The following CENPW variants were observed in gnomAD, a reference collection of about 807,000 sequenced individuals.
CENPW encodes the protein cancer-up-regulated gene 2 protein.
A neutral mutation model predicts 11.1 loss-of-function variants in CENPW; 3 were observed. The ratio of observed to expected loss-of-function variants is 0.27; its 90% CI spans 0.12 to 0.70. The LOEUF is 0.70. Ranked by LOEUF, CENPW falls within the 30% of genes least tolerant of loss-of-function variation. The pLI, the probability that CENPW is intolerant of heterozygous loss-of-function variation, is 0.77. For synonymous variants in CENPW, 38 were observed against 42.0 expected (o/e 0.91, Z 0.37); for missense variants, 100 against 105.6 (o/e 0.95, Z 0.23).
the CENPW span, among the ~76,000 whole-genome samples, chr6:126,474,536 A>G: frequency 6.6e-6 from 1 of 152,156 alleles, no homozygotes; most frequent in African/African-American, 2.4e-5. Flanking sequence ...CAAAAGAGTT[A>G]TTAGGGCCAG....
the CENPW span, among the ~76,000 whole-genome samples, chr6:126,461,260 C>T: frequency 6.6e-6 from 1 of 151,778 alleles, no homozygotes; most frequent in Admixed American, 6.6e-5. Flanking sequence ...GGGAGTTTCC[C>T]TACACACGCT....
At chr6:126,446,364 C>T in the CENPW span, among the ~76,000 whole-genome samples, 2 of 148,658 alleles carry the variant, frequency 1.3e-5, no homozygotes, top group East Asian at 2.0e-4. Flanking sequence ...CTGGCCCCCC[C>T]ACAAGAAAAA....
the CENPW span, among the ~76,000 whole-genome samples, chr6:126,430,274 A>G: frequency 1.3e-5 from 2 of 152,214 alleles, no homozygotes; most frequent in South Asian, 4.1e-4. Flanking sequence ...GATGAAGGGA[A>G]ATATAAGTAA....
chr6:126,415,280 TTG>T, the CENPW span, among the ~76,000 whole-genome samples: 2 of 152,148 alleles, frequency 1.3e-5, no homozygotes, highest in Non-Finnish European at 2.9e-5. Flanking sequence ...TTATTATTTA[TTG>T]TTTTTATTCA....
chr6:126,460,364 T>C, the CENPW span, among the ~76,000 whole-genome samples: 2 of 151,792 alleles, frequency 1.3e-5, no homozygotes, highest in African/African-American at 4.8e-5. Context: ...AATTGATGGT[T>C]CTGAGAACTT....
In CENPW at chr6:126,348,497, CAAA is replaced by C; in HGVS notation, c.*6_*8del. ...CTAAAGAAGAGCAGAGGTTAGAAGT[CAAA>C]GAACATATTCTTGAAAGTTATGATG... On this transcript the variant is annotated 3_prime_UTR_variant, in exon 3 of 3. Transcript: ENST00000368328. 2.1e-6 allele frequency: 3 copies of C among 1,445,496 alleles called. No homozygotes were observed. The highest frequency in any genetic ancestry group is 1.8e-4 in the Middle Eastern group (1 of 5,692). The allele number at this position is 1,445,496 out of a possible 1,614,324, so 89.5% of individuals were successfully genotyped here.
chr6:126,425,175 G>C, the CENPW span, among the ~76,000 whole-genome samples: 1 of 152,056 alleles, frequency 6.6e-6, no homozygotes, highest in Non-Finnish European at 1.5e-5. Flanking sequence ...GGATAAAAAA[G>C]AAATGTTTGG....
the CENPW span, among the ~76,000 whole-genome samples, chr6:126,398,231 A>C: frequency 6.6e-6 from 1 of 152,204 alleles, no homozygotes; most frequent in Non-Finnish European, 1.5e-5. Flanking sequence ...TTGTATAATT[A>C]AATTGTCTAT....
chr6:126,464,594 G>A, the CENPW span, among the ~76,000 whole-genome samples: 17 of 152,066 alleles, frequency 1.1e-4, no homozygotes, highest in Non-Finnish European at 2.4e-4. Flanking sequence ...TCCTGCCCTC[G>A]AACATCAGAC....
At chr6:126,391,594 T>C in the CENPW span, among the ~76,000 whole-genome samples, 1 of 151,954 alleles carries the variant, frequency 6.6e-6, no homozygotes, top group East Asian at 1.9e-4. Flanking sequence ...AGTACTTTCA[T>C]AGTTTGAAGT....
chr6:126,454,385 C>T, the CENPW span, among the ~76,000 whole-genome samples: 7 of 151,166 alleles, frequency 4.6e-5, no homozygotes, highest in Admixed American at 1.3e-4. Flanking sequence ...CAGACCACAG[C>T]TTAATAAAAA....
chr6:126,351,660 A>T (rs1221422188), downstream of CENPW, among the ~76,000 whole-genome samples: 1 of 152,114 alleles, frequency 6.6e-6, no homozygotes, highest in Non-Finnish European at 1.5e-5. Context: ...TACATTTAGT[A>T]ACTACTGTTT....
chr6:126,463,941 C>T, the CENPW span, among the ~76,000 whole-genome samples: 1 of 151,620 alleles, frequency 6.6e-6, no homozygotes, highest in Non-Finnish European at 1.5e-5. Flanking sequence ...GAATTCTGGC[C>T]TCTTCTATGA....
chr6:126,406,251 A>T, the CENPW span, among the ~76,000 whole-genome samples: 1 of 126,756 alleles, frequency 7.9e-6, no homozygotes, highest in South Asian at 3.4e-4. Flanking sequence ...TATCACATTT[A>T]TTGTTTGTAA....
Position 126,340,273 on chromosome 6 carries a change from G to A in CENPW, c.-1G>A. ...GAGGCAGCTGGTACTTGACAGAGAGGATGGCGCTGTCGACCATAGTCTCCC... is the reference window on the plus strand; with the variant it reads ...GAGGCAGCTGGTACTTGACAGAGAGAATGGCGCTGTCGACCATAGTCTCCC... On this transcript the variant is annotated 5_prime_UTR_variant, in exon 1 of 3. Transcript: ENST00000368328. The A allele has an allele frequency of 6.2e-7, 1 of 1,613,408 alleles. No individual in the cohort carries two copies. The highest frequency in any genetic ancestry group is 1.3e-5 in the African/African-American group (1 of 75,036).
chr6:126,360,560 A>G, the CENPW span, among the ~76,000 whole-genome samples: 1 of 152,152 alleles, frequency 6.6e-6, no homozygotes. Flanking sequence ...AGGAATGTCA[A>G]TGACTTGTAA....
At chr6:126,417,290 C>A in the CENPW span, among the ~76,000 whole-genome samples, 2 of 152,162 alleles carry the variant, frequency 1.3e-5, no homozygotes, top group Non-Finnish European at 2.9e-5. Flanking sequence ...TAGGAAGTAA[C>A]TAACTTGCTT....
the CENPW span, among the ~76,000 whole-genome samples, chr6:126,396,887 T>G: frequency 1.2e-4 from 18 of 151,928 alleles, no homozygotes; most frequent in African/African-American, 4.1e-4. Flanking sequence ...CATGAGTCTG[T>G]CTGGTCCCCT....
the CENPW span, among the ~76,000 whole-genome samples, chr6:126,411,282 G>A: frequency 6.6e-5 from 10 of 152,202 alleles, no homozygotes; most frequent in Non-Finnish European, 2.9e-5. Flanking sequence ...GGCCACGGCT[G>A]TAGAAATTTA....
Sources: gnomAD v4.1 joint callset for allele counts (sites outside exome capture counted in the v4.1 genomes callset) on GRCh38, gnomAD v4.1.1 for gene constraint, MANE v1.5 for transcripts, NCBI Gene and HGNC (gene_info 2026-07-23, HGNC 2026-07-21) for gene names.